RBMS3: variants seen among roughly 807,000 people sequenced by gnomAD.
RBMS3 encodes RNA-binding motif, single-stranded-interacting protein 3.
RBMS3 carries 27 observed loss-of-function variants against 66.8 expected under a neutral mutation model. That is an observed-to-expected ratio of 0.40 (90% confidence interval 0.30 to 0.56). The LOEUF (loss-of-function observed/expected upper bound fraction) is 0.56. RBMS3 is among the 20% of genes least tolerant of loss of function. RBMS3 has a pLI of 0.40. For synonymous variants in RBMS3, 188 were observed against 183.0 expected (o/e 1.03, Z -0.22); for missense variants, 513 against 549.5 (o/e 0.93, Z 0.66).
intron 4 of RBMS3, among the ~76,000 whole-genome samples, chr3:29,601,530 T>A (rs1215196636): frequency 1.3e-5 from 2 of 149,208 alleles, no homozygotes; most frequent in Non-Finnish European, 3.0e-5. Flanking sequence ...TGAAGTGATA[T>A]GCCAAGGTCA....
At chr3:29,811,469 G>A (rs2057726882) in intron 6 of RBMS3, among the ~76,000 whole-genome samples, 1 of 152,078 alleles carries the variant, frequency 6.6e-6, no homozygotes, top group African/African-American at 2.4e-5. Flanking sequence ...TCTATAAGCT[G>A]GGTTCTATTC....
chr3:29,891,258 T>C (rs1053365410), intron 8 of RBMS3, among the ~76,000 whole-genome samples: 1 of 151,622 alleles, frequency 6.6e-6, no homozygotes, highest in Admixed American at 6.6e-5. Flanking sequence ...AACTACACCA[T>C]GGTGAATCTG....
chr3:29,444,573 GA>G (rs2041746897), intron 2 of RBMS3, among the ~76,000 whole-genome samples: 1 of 151,926 alleles, frequency 6.6e-6, no homozygotes, highest in Admixed American at 6.6e-5. Flanking sequence ...GCTGAAAGAA[GA>G]AAGTATTTAA....
chr3:29,571,661 G>A (rs1400702237), intron 3 of RBMS3, among the ~76,000 whole-genome samples: 1 of 152,072 alleles, frequency 6.6e-6, no homozygotes, highest in African/African-American at 2.4e-5. Context: ...GTACCATGCT[G>A]TTTTGGTTAC....
chr3:29,647,999 A>G (rs2049998800), intron 4 of RBMS3, among the ~76,000 whole-genome samples: 1 of 152,136 alleles, frequency 6.6e-6, no homozygotes, highest in Admixed American at 6.6e-5. Flanking sequence ...TGTTCTGCAA[A>G]ATCATGCACT....
intron 1 of RBMS3, among the ~76,000 whole-genome samples, chr3:29,381,182 C>A (rs1235969668): frequency 6.6e-6 from 1 of 152,172 alleles, no homozygotes; most frequent in African/African-American, 2.4e-5. Flanking sequence ...CTGCTCTCCA[C>A]TGGCATTGAC....
At chr3:29,911,088 A>G (rs1390620297) in intron 10 of RBMS3, among the ~76,000 whole-genome samples, 2 of 152,082 alleles carry the variant, frequency 1.3e-5, no homozygotes, top group African/African-American at 4.8e-5. Flanking sequence ...AAGAGGAGGA[A>G]GTTACTCACT....
At chr3:29,429,087 T>G (rs1339201056) in intron 1 of RBMS3, among the ~76,000 whole-genome samples, 1 of 152,144 alleles carries the variant, frequency 6.6e-6, no homozygotes, top group African/African-American at 2.4e-5. Context: ...TGCAGTGTTG[T>G]GGGAGACTGC....
chr3:29,864,873 AGGAG>A (rs2059310711), intron 6 of RBMS3, among the ~76,000 whole-genome samples: 1 of 136,870 alleles, frequency 7.3e-6, no homozygotes, highest in Admixed American at 7.2e-5. Flanking sequence ...GGGGAAGAGA[AGGAG>A]GGAGGGAGGA....
chr3:29,489,998 G>A (rs929728929), intron 3 of RBMS3, among the ~76,000 whole-genome samples: 1 of 142,342 alleles, frequency 7.0e-6, no homozygotes, highest in South Asian at 2.2e-4. Context: ...AGCCGAGATT[G>A]CGTCATTGCA....
At position 29,585,654 on chromosome 3, in the gene RBMS3, C is replaced by T. The variant is rs377242021; in HGVS notation, c.308-1460C>T. On this transcript the variant is annotated intron_variant, in intron 3 of 14. Coordinates refer to ENST00000383767, the MANE Select transcript of RBMS3 (RefSeq NM_001003793.3). ...AGATGACATCCAGATTATAGTTTTG[C>T]TTTCTTCTCCCCTTGACCCTATTTC... Among the ~76,000 whole-genome samples, 14 of 152,214 alleles carry T rather than the reference C, an allele frequency of 9.2e-5. No individual in the cohort carries two copies. In the South Asian group the frequency reaches 1.0e-3, roughly 11 times the overall value.
At chr3:29,488,041 T>A (rs111493808) in intron 2 of RBMS3, among the ~76,000 whole-genome samples, 2,929 of 152,242 alleles carry the variant, frequency 0.019, 44 homozygotes, top group Non-Finnish European at 0.027. Context: ...TGTGTCTTAG[T>A]GAAGTTGGGT....
At chr3:29,873,435 T>C (rs1295629647) in intron 7 of RBMS3, among the ~76,000 whole-genome samples, 7 of 152,186 alleles carry the variant, frequency 4.6e-5, no homozygotes, top group African/African-American at 1.7e-4. Flanking sequence ...TGTACGTTGA[T>C]TTTGTATCCT....
intron 4 of RBMS3, among the ~76,000 whole-genome samples, chr3:29,632,854 C>A (rs556427755): frequency 2.4e-4 from 36 of 151,884 alleles, no homozygotes; most frequent in Non-Finnish European, 4.3e-4. Flanking sequence ...CCTTCCTCTG[C>A]TTATTTCCCC....
At chr3:29,380,496 T>A (rs2038712419) in intron 1 of RBMS3, among the ~76,000 whole-genome samples, 1 of 152,214 alleles carries the variant, frequency 6.6e-6, no homozygotes, top group Non-Finnish European at 1.5e-5. Flanking sequence ...TTGTTCTAAT[T>A]GTGGTAAGTT....
intron 1 of RBMS3, among the ~76,000 whole-genome samples, chr3:29,324,975 C>T (rs1348604009): frequency 6.6e-6 from 1 of 151,940 alleles, no homozygotes; most frequent in Non-Finnish European, 1.5e-5. Context: ...TATTTGCACA[C>T]AGATGAAAGA....
intron 3 of RBMS3, among the ~76,000 whole-genome samples, chr3:29,543,446 C>G (rs988904213): frequency 1.3e-5 from 2 of 152,156 alleles, no homozygotes; most frequent in African/African-American, 2.4e-5. Context: ...AGGTGGCTAA[C>G]GCCTGTAATC....
intron 4 of RBMS3, among the ~76,000 whole-genome samples, chr3:29,636,928 A>T (rs1343999471): frequency 6.6e-6 from 1 of 151,900 alleles, no homozygotes; most frequent in East Asian, 1.9e-4. Context: ...GCAAAGTAGC[A>T]AATGGGTCAT....
chr3:29,884,422 T>TTTTCTCTCTCTC lies in RBMS3; in HGVS notation c.791+215_791+216insTTCTCTCTCTCT, dbSNP rs777331613. Among the ~76,000 whole-genome samples, 287 of 41,850 alleles carry TTTTCTCTCTCTC rather than the reference T, an allele frequency of 6.9e-3. 15 individuals carry two copies. The highest frequency in any genetic ancestry group is 0.028 in the African/African-American group (271 of 9,660). 27.5% of individuals were successfully genotyped at this position (41,850 alleles called of 152,430 possible). ...ATGCCTCTGCCCACATTAAACCCTG[T>TTTTCTCTCTCTC]TCTCTCTCTCTCTCTCTCTCTCTCT... On this transcript the variant is annotated intron_variant, in intron 8 of 14. Transcript: ENST00000383767.
Sources: gnomAD v4.1 joint callset for allele counts (sites outside exome capture counted in the v4.1 genomes callset) on GRCh38, gnomAD v4.1.1 for gene constraint, MANE v1.5 for transcripts, NCBI Gene and HGNC (gene_info 2026-07-23, HGNC 2026-07-21) for gene names.